ALDH6A1: variants seen among roughly 807,000 people sequenced by gnomAD.
The protein encoded by ALDH6A1 is methylmalonate-semialdehyde/malonate-semialdehyde dehydrogenase [acylating], mitochondrial.
Under a neutral mutation model 62.6 loss-of-function variants are expected in ALDH6A1, and 43 were observed. The observed-to-expected ratio is 0.69, with a 90% CI of 0.54 to 0.89. ALDH6A1 has a LOEUF of 0.89. Ranked by LOEUF, ALDH6A1 falls within the 40% of genes least tolerant of loss-of-function variation. The pLI is 0.00. For synonymous variants in ALDH6A1, 194 were observed against 234.2 expected (o/e 0.83, Z 1.57); for missense variants, 551 against 661.3 (o/e 0.83, Z 1.83).
In ALDH6A1 at chr14:74,067,562, T is replaced by C. The variant is rs775954592; in HGVS notation, c.860A>G (p.Lys287Arg). The C allele has an allele frequency of 6.2e-7, 1 of 1,614,014 alleles. No individual in the cohort carries two copies. The highest frequency in any genetic ancestry group is 8.5e-7 in the Non-Finnish European group (1 of 1,180,030). ...GKRVQANMGAKNHGVVMPDAN... is the reference protein window; with the variant it reads ...GKRVQANMGARNHGVVMPDAN... ...ATCTGGCATGACTACCCCATGGTTC[T>C]TGGCTCCCTAAAAAAAAATGCAGAA... The change falls in exon 8 of 12, where the codon AAG becomes AGG. Residue 287 changes from lysine (K) to arginine (R), a missense_variant. By Grantham distance (26) the Lys-to-Arg change is conservative. Transcript: ENST00000553458.
chr14:74,070,870 A>T, intron 6 of ALDH6A1: 1 of 336,346 alleles, frequency 3.0e-6, no homozygotes, highest in East Asian at 7.3e-5. Flanking sequence ...AGTATCTCTG[A>T]GATCTGCAAA....
At chr14:74,064,609 C>A in intron 11 of ALDH6A1, 1 of 1,400,462 alleles carries the variant, frequency 7.1e-7, no homozygotes, top group East Asian at 2.3e-5. Context: ...CATGCTCTTT[C>A]CTCAAAACTT....
Position 74,057,035 on chromosome 14 carries a change from G to C in ALDH6A1, c.*3607C>G. ...ATGAGCCCAACACGATGGTTCTTGTGGGCATCTTGAATGTGCTAATTGAAA... is the reference window on the plus strand; with the variant it reads ...ATGAGCCCAACACGATGGTTCTTGTCGGCATCTTGAATGTGCTAATTGAAA... On this transcript the variant is annotated 3_prime_UTR_variant, in exon 12 of 12. Transcript: ENST00000553458. 1 of 1,586,844 alleles carries C rather than the reference G, an allele frequency of 6.3e-7. No individual in the cohort carries two copies. Among genetic ancestry groups the C allele is most frequent in the South Asian group, 1.1e-5 (1 of 89,924 alleles).
chr14:74,076,371 T>C (rs2060612977), intron 1 of ALDH6A1, among the ~76,000 whole-genome samples: 1 of 152,146 alleles, frequency 6.6e-6, no homozygotes, highest in African/African-American at 2.4e-5. Context: ...TTATCAAAGT[T>C]GATTTTTTGA....
intron 1 of ALDH6A1, among the ~76,000 whole-genome samples, chr14:74,080,441 C>A (rs1047206967): frequency 6.7e-6 from 1 of 149,270 alleles, no homozygotes; most frequent in Non-Finnish European, 1.5e-5. Context: ...AACCACAGCT[C>A]ACTGTAGCCT....
chr14:74,057,346 C>G lies in ALDH6A1; in HGVS notation c.*3296G>C, dbSNP rs2060237110. ...TGCTAAATCACGGTTATTTTCTCTA[C>G]TAGTTGAGAGACTTCAGGGATCAGT... On this transcript the variant is annotated 3_prime_UTR_variant, in exon 12 of 12. Coordinates refer to ENST00000553458, the MANE Select transcript of ALDH6A1 (RefSeq NM_005589.4). The G allele has an allele frequency of 6.3e-7, 1 of 1,588,296 alleles. No individual in the cohort carries two copies. Among genetic ancestry groups the G allele is most frequent in the Non-Finnish European group, 8.6e-7 (1 of 1,166,092 alleles).
At chr14:74,063,297 C>G (rs1349193725) in intron 11 of ALDH6A1, among the ~76,000 whole-genome samples, 1 of 151,412 alleles carries the variant, frequency 6.6e-6, no homozygotes, top group Non-Finnish European at 1.5e-5. Flanking sequence ...AAGGATTCTT[C>G]TGCCTCAGCC....
At chr14:74,071,065 A>G in intron 6 of ALDH6A1, 130 bp downstream of exon 6, 1 of 954,596 alleles carries the variant, frequency 1.0e-6, no homozygotes, top group Non-Finnish European at 1.7e-6. Context: ...ATCAACAAAC[A>G]TGGAGGTTAA....
intron 1 of ALDH6A1, chr14:74,081,183 T>A (rs2060664462): frequency 6.6e-6 from 1 of 152,256 alleles, no homozygotes; most frequent in Admixed American, 6.5e-5. Context: ...TCTCACGCTA[T>A]GAAATAATAG....
At chr14:74,069,262 C>T (rs960732793) in intron 6 of ALDH6A1, 1 of 364,860 alleles carries the variant, frequency 2.7e-6, no homozygotes, top group Non-Finnish European at 5.3e-6. Flanking sequence ...CACCACCATG[C>T]CTGCCTAATT....
In ALDH6A1 at chr14:74,059,128, T is replaced by C. The variant is rs115564279; in HGVS notation, c.*1514A>G. ...AAAAGCGTAAAGGCAGTTGAACTAA[T>C]GGCAGAAGAAGACTGTCAAAGCATT... On this transcript the variant is annotated 3_prime_UTR_variant, in exon 12 of 12. Transcript: ENST00000553458. 4.8e-3 allele frequency: 879 copies of C among 181,962 alleles called. 8 individuals are homozygous for C. Among genetic ancestry groups the C allele is most frequent in the African/African-American group, 0.021 (836 of 40,384 alleles). The allele number at this position is 181,962 out of a possible 1,614,324, so 11.3% of individuals were successfully genotyped here.
chr14:74,060,470 A>G lies in ALDH6A1; in HGVS notation c.*172T>C, dbSNP rs2060314457. 3.1e-6 allele frequency: 2 copies of G among 647,326 alleles called. No homozygotes were observed. Among genetic ancestry groups the G allele is most frequent in the Non-Finnish European group, 5.6e-6 (2 of 354,350 alleles). 40.1% of individuals were successfully genotyped at this position (647,326 alleles called of 1,614,324 possible). ...AAGTGAGAAATCTGGTTTCATTGTT[A>G]CACTAGGCAGTTCCCTATAGAAACT... On this transcript the variant is annotated 3_prime_UTR_variant, in exon 12 of 12. Coordinates refer to ENST00000553458, the MANE Select transcript of ALDH6A1 (RefSeq NM_005589.4).
At chr14:74,077,751 G>A (rs1348385875) in intron 1 of ALDH6A1, among the ~76,000 whole-genome samples, 1 of 152,108 alleles carries the variant, frequency 6.6e-6, no homozygotes, top group Non-Finnish European at 1.5e-5. Context: ...GAGTTTTGGT[G>A]GAGACAAACC....
chr14:74,071,791 T>C lies in ALDH6A1; in HGVS notation c.427+105A>G, dbSNP rs965177673. On this transcript the variant is annotated intron_variant, in intron 5 of 11. Coordinates refer to ENST00000553458, the MANE Select transcript of ALDH6A1 (RefSeq NM_005589.4). ...AAGTATTAAAAAAGATATCATGGGA[T>C]GGCAAAATCTATGTAAAGGAAGAAG... 2.0e-6 allele frequency: 3 copies of C among 1,487,400 alleles called. No homozygotes were observed. The African/African-American group carries it at 4.2e-5, about 21-fold the overall frequency. 92.1% of individuals were successfully genotyped at this position (1,487,400 alleles called of 1,614,324 possible).
intron 7 of ALDH6A1, 72 bp downstream of exon 7, chr14:74,068,788 T>TG: frequency 6.4e-7 from 1 of 1,562,608 alleles, no homozygotes; most frequent in Non-Finnish European, 8.8e-7. Flanking sequence ...GTGGCCTCTC[T>TG]GCTGAAGGTC....
At chr14:74,079,822 G>A (rs2060653856) in intron 1 of ALDH6A1, among the ~76,000 whole-genome samples, 2 of 152,106 alleles carry the variant, frequency 1.3e-5, no homozygotes. Context: ...GCCCACCTTG[G>A]CCTCCCAAAG....
chr14:74,067,766 A>G (rs1038929378), intron 7 of ALDH6A1, among the ~76,000 whole-genome samples, 197 bp from the exon 8 acceptor site: 20 of 151,990 alleles, frequency 1.3e-4, no homozygotes, highest in Non-Finnish European at 1.6e-4. Flanking sequence ...TCTACAAAAA[A>G]TACAAAAAAT....
chr14:74,072,187 CA>C lies in ALDH6A1; in HGVS notation c.348+15del. ...TAGGTGACAGTTTGGAAAAGCATAC[CA>C]TTTAGATTTCATACCAAGTTTTCTT... On this transcript the variant is annotated intron_variant, in intron 4 of 11. Coordinates refer to ENST00000553458, the MANE Select transcript of ALDH6A1 (RefSeq NM_005589.4). The C allele has an allele frequency of 6.2e-7, 1 of 1,614,116 alleles. No homozygotes were observed. Among genetic ancestry groups the C allele is most frequent in the Non-Finnish European group, 8.5e-7 (1 of 1,180,030 alleles).
At chr14:74,073,970 A>C (rs1002542158) in intron 2 of ALDH6A1, among the ~76,000 whole-genome samples, 2 of 147,328 alleles carry the variant, frequency 1.4e-5, no homozygotes, top group Non-Finnish European at 3.0e-5. Flanking sequence ...TTTTTCTGAG[A>C]TATAGCTCAC....
Sources: gnomAD v4.1 joint callset for allele counts (sites outside exome capture counted in the v4.1 genomes callset) on GRCh38, gnomAD v4.1.1 for gene constraint, MANE v1.5 for transcripts, NCBI Gene and HGNC (gene_info 2026-07-23, HGNC 2026-07-21) for gene names.